Variants in OPCML observed in about 807,000 individuals in gnomAD.
The protein encoded by OPCML is opioid-binding protein/cell adhesion molecule.
Under a neutral mutation model 37.8 loss-of-function variants are expected in OPCML, and 13 were observed. That is an observed-to-expected ratio of 0.34 (90% CI 0.22 to 0.55). OPCML has a LOEUF of 0.55. Among genes scored for constraint, OPCML ranks in the 20% least tolerant of loss-of-function variants. The pLI, the probability that OPCML is intolerant of heterozygous loss-of-function variation, is 0.91. For missense variants in OPCML, 341 were observed against 435.6 expected, an observed-to-expected ratio of 0.78 and a Z score of 1.93; for synonymous variants, 176 against 168.8, an observed-to-expected ratio of 1.04 and a Z score of -0.33.
At chr11:133,353,130 G>A (rs1341216272) in intron 1 of OPCML, among the ~76,000 whole-genome samples, 1 of 152,104 alleles carries the variant, frequency 6.6e-6, no homozygotes, top group Non-Finnish European at 1.5e-5. Flanking sequence ...CCTATCCAAA[G>A]CATCCTTCCT....
intron 7 of OPCML, among the ~76,000 whole-genome samples, chr11:132,434,643 T>A (rs1386162762): frequency 6.6e-6 from 1 of 152,184 alleles, no homozygotes; most frequent in Non-Finnish European, 1.5e-5. Flanking sequence ...ACATGATGCC[T>A]AGAAACCAGT....
rs372561939 is a variant in OPCML at position 132,999,577 on chromosome 11, G to GGA, written c.62-56568_62-56567insTC. On this transcript the variant is annotated intron_variant, in intron 1 of 7. Transcript: ENST00000524381. ...CAAGTGACAAATGGGGTCGGGGGGG[G>GGA]AATGCCACCGGTAATGAACAAAAGC... is the stretch of plus-strand genomic sequence containing the variant. 3.9e-3 allele frequency among the ~76,000 whole-genome samples: 569 copies of GGA among 146,578 alleles called. 11 individuals are homozygous for GGA. Among genetic ancestry groups the GGA allele is most frequent in the African/African-American group, 0.015 (540 of 37,184 alleles).
chr11:132,736,308 C>G lies in OPCML; in HGVS notation c.147-78989G>C, dbSNP rs144795253. Among the ~76,000 whole-genome samples the G allele has an allele frequency of 1.1e-4, 17 of 152,278 alleles. No homozygotes were observed. The East Asian group carries it at 3.3e-3, about 29-fold the overall frequency. On this transcript the variant is annotated intron_variant, in intron 2 of 7. Transcript: ENST00000524381. The stretch of plus-strand genomic sequence containing the variant: ...GCACACTGAAGGACCATCATCCTCA[C>G]CTAGAACTGATGTAAATGATGAGAT...
At chr11:132,934,107 T>G (rs1259413796) in intron 2 of OPCML, among the ~76,000 whole-genome samples, 2 of 152,204 alleles carry the variant, frequency 1.3e-5, no homozygotes, top group African/African-American at 4.8e-5. Flanking sequence ...AAGCGTCACT[T>G]GGCCTAGACC....
chr11:133,379,317 C>T (rs1055209946), intron 1 of OPCML, among the ~76,000 whole-genome samples: 14 of 152,200 alleles, frequency 9.2e-5, no homozygotes, highest in African/African-American at 2.9e-4. Context: ...CTTCTACACC[C>T]CTGTGCGTCT....
chr11:133,195,767 G>C (rs1938511742), intron 1 of OPCML, among the ~76,000 whole-genome samples: 1 of 152,048 alleles, frequency 6.6e-6, no homozygotes, highest in African/African-American at 2.4e-5. Flanking sequence ...TAAGGACTAG[G>C]GACACATTTG....
intron 3 of OPCML, among the ~76,000 whole-genome samples, chr11:132,616,822 C>T (rs1243189049): frequency 6.6e-6 from 1 of 152,162 alleles, no homozygotes; most frequent in Non-Finnish European, 1.5e-5. Context: ...AGGATTATTT[C>T]CACACCCCTC....
intron 2 of OPCML, among the ~76,000 whole-genome samples, chr11:132,936,783 G>C (rs754447101): frequency 6.6e-6 from 1 of 152,110 alleles, no homozygotes; most frequent in Non-Finnish European, 1.5e-5. Context: ...GAGACAACAA[G>C]GGCCTGAGAA....
At chr11:133,326,920 C>T (rs1370827208) in intron 1 of OPCML, among the ~76,000 whole-genome samples, 84 of 48,536 alleles carry the variant, frequency 1.7e-3, no homozygotes, top group African/African-American at 2.5e-3. Flanking sequence ...TGTGGGGCGG[C>T]GAGTGTGTGT....
intron 1 of OPCML, among the ~76,000 whole-genome samples, chr11:133,526,424 G>A (rs61056693): frequency 0.017 from 2,591 of 152,294 alleles, 81 homozygotes; most frequent in African/African-American, 0.058. Context: ...TGTGCCTTGC[G>A]TGTATATGTG....
intron 1 of OPCML, among the ~76,000 whole-genome samples, chr11:133,387,749 T>C (rs1175918515): frequency 6.6e-6 from 1 of 152,166 alleles, no homozygotes; most frequent in Non-Finnish European, 1.5e-5. Flanking sequence ...ACTGAAGAAG[T>C]CAGACTACAA....
chr11:133,056,670 A>C (rs977050430), intron 1 of OPCML, among the ~76,000 whole-genome samples: 4 of 152,190 alleles, frequency 2.6e-5, no homozygotes, highest in Middle Eastern at 6.3e-3. Flanking sequence ...TTCTAATCAC[A>C]TTTAATCTCT....
intron 2 of OPCML, among the ~76,000 whole-genome samples, chr11:132,675,561 C>T (rs1056203539): frequency 2.0e-4 from 31 of 151,722 alleles, no homozygotes; most frequent in African/African-American, 4.4e-4. Context: ...AATAAAAAAA[C>T]GCAAGTAGAA....
chr11:132,923,211 A>G (rs1478190240), intron 2 of OPCML, among the ~76,000 whole-genome samples: 3 of 152,182 alleles, frequency 2.0e-5, no homozygotes, highest in African/African-American at 7.2e-5. Flanking sequence ...ATGCTCTGGT[A>G]AACAGAAAAC....
chr11:132,750,584 A>C (rs1002423285), intron 2 of OPCML, among the ~76,000 whole-genome samples: 4 of 152,232 alleles, frequency 2.6e-5, no homozygotes, highest in Non-Finnish European at 5.9e-5. Context: ...AGAGACAGGA[A>C]AGATAGGAGA....
intron 2 of OPCML, among the ~76,000 whole-genome samples, chr11:132,934,209 C>T (rs1325133866): frequency 2.0e-5 from 3 of 152,110 alleles, no homozygotes; most frequent in Admixed American, 6.5e-5. Flanking sequence ...AACCACTAGG[C>T]CAGTCAGAGC....
chr11:133,009,826 C>T (rs1947183056), intron 1 of OPCML, among the ~76,000 whole-genome samples: 1 of 152,182 alleles, frequency 6.6e-6, no homozygotes, highest in Non-Finnish European at 1.5e-5. Context: ...TCACCTTCTG[C>T]TGTGTGGCCC....
At chr11:133,140,749 G>C (rs1949772296) in intron 1 of OPCML, among the ~76,000 whole-genome samples, 1 of 98,946 alleles carries the variant, frequency 1.0e-5, no homozygotes, top group Admixed American at 1.4e-4. Context: ...CGACGACGAG[G>C]AAGAAGAAGA....
At chr11:133,278,823 C>T (rs915167175) in intron 1 of OPCML, among the ~76,000 whole-genome samples, 4 of 152,148 alleles carry the variant, frequency 2.6e-5, no homozygotes, top group Non-Finnish European at 4.4e-5. Flanking sequence ...AATGGTCCTA[C>T]CTCAACTCTC....
Sources: allele counts gnomAD v4.1 joint callset (sites outside exome capture counted in the v4.1 genomes callset), GRCh38; gene constraint gnomAD v4.1.1; transcripts MANE v1.5; gene names NCBI Gene and HGNC (gene_info 2026-07-23, HGNC 2026-07-21).